NCLN: variants seen among roughly 807,000 people sequenced by gnomAD.
The protein encoded by NCLN is nicalin.
NCLN carries 34 observed loss-of-function variants against 69.5 expected under a neutral mutation model. The observed-to-expected ratio is 0.49, with a 90% confidence interval of 0.37 to 0.65. The LOEUF (loss-of-function observed/expected upper bound fraction) is 0.65, where lower values mean the gene tolerates loss of function less well. Ranked by LOEUF, NCLN falls within the 30% of genes least tolerant of loss-of-function variation. The probability of loss-of-function intolerance (pLI) is 0.00; values close to 1 mark genes in which losing one functional copy is unlikely to be tolerated. For missense variants in NCLN, 710 were observed against 804.8 expected, an observed-to-expected ratio of 0.88 and a Z score of 1.42; for synonymous variants, 393 against 358.3, an observed-to-expected ratio of 1.10 and a Z score of -1.09.
At chr19:3,192,432 A>C (rs895147547) in intron 1 of NCLN, 38 bp from the exon 2 acceptor site, 8 of 1,518,618 alleles carry the variant, frequency 5.3e-6, no homozygotes, top group Non-Finnish European at 7.0e-6. Flanking sequence ...CGGCCTGGCC[A>C]CCCGCCGAGG....
intron 4 of NCLN, among the ~76,000 whole-genome samples, chr19:3,196,661 A>G (rs1166306699): frequency 6.6e-6 from 1 of 152,152 alleles, no homozygotes; most frequent in African/African-American, 2.4e-5. Flanking sequence ...CCGTCAGCCC[A>G]GACGCTGCGT....
Position 3,205,960 on chromosome 19 carries a change from C to T in NCLN, c.1230C>T (p.Thr410=), listed in dbSNP as rs1322632805. The part of the protein sequence containing the change: ...MDVRSRVDSK[T]LTRNTRIIAE... The stretch of plus-strand genomic sequence containing the variant: ...GAAGGTCCCGGGTGGATTCTAAGAC[C>T]CTGACCCGTAACACGAGGATCATTG... Residue 410 remains threonine (T), a synonymous_variant, in exon 10 of 15, where the codon ACC becomes ACT. Coordinates refer to ENST00000246117, the MANE Select transcript of NCLN (RefSeq NM_020170.4). This position sits in a 1 kb window ranked among gnomAD's most constrained non-coding sequence, Gnocchi z 4.6. 2 of 1,613,734 alleles carry T rather than the reference C, an allele frequency of 1.2e-6. No homozygotes were observed. Among genetic ancestry groups the T allele is most frequent in the African/African-American group, 1.3e-5 (1 of 74,988 alleles).
At chr19:3,200,335 G>A (rs1170404618) in intron 5 of NCLN, among the ~76,000 whole-genome samples, 6 of 132,226 alleles carry the variant, frequency 4.5e-5, no homozygotes, top group Non-Finnish European at 9.4e-5. Context: ...TTTTTGAGAC[G>A]GAGTCTCGCT....
At position 3,196,164 on chromosome 19, in the gene NCLN, G is replaced by GCCCTCT; in HGVS notation, c.521-8_521-3dup. The GCCCTCT allele has an allele frequency of 6.6e-7, 1 of 1,522,464 alleles. No homozygotes were observed. The highest frequency in any genetic ancestry group is 1.2e-5 in the South Asian group (1 of 82,436). The allele number at this position is 1,522,464 out of a possible 1,614,324, so 94.3% of individuals were successfully genotyped here. A position where few individuals can be genotyped will look rare whatever the true frequency, so the allele number is the denominator to read the frequency against. On this transcript the variant is annotated intron_variant, in intron 3 of 14. Coordinates refer to ENST00000246117, the MANE Select transcript of NCLN (RefSeq NM_020170.4). ...GCCCTGGCTGGGCCAAGGCTGATGCGCCCTCTCCCTCTCCCTAGTACTGCT... is the reference window on the plus strand; with the variant it reads ...GCCCTGGCTGGGCCAAGGCTGATGCGCCCTCTCCCTCTCCCTCTCCCTAGTACTGCT...
intron 6 of NCLN, 26 bp downstream of exon 6, chr19:3,201,652 T>TGGGGTTG: frequency 1.9e-5 from 15 of 772,786 alleles, no homozygotes; most frequent in Non-Finnish European, 2.8e-5. Context: ...GGCAGGGGGA[T>TGGGGTTG]GGGGGTGCGG....
intron 1 of NCLN, among the ~76,000 whole-genome samples, chr19:3,187,690 A>G (rs1329890955): frequency 3.3e-5 from 5 of 152,136 alleles, no homozygotes; most frequent in Admixed American, 1.3e-4. Flanking sequence ...ACGCTGCTCA[A>G]TTCCCTGTAG....
chr19:3,186,075 G>A lies in NCLN; in HGVS notation c.45G>A (p.Ala15=). 6.3e-7 allele frequency: 1 copy of A among 1,598,774 alleles called. No homozygotes were observed. The highest frequency in any genetic ancestry group is 8.5e-7 in the Non-Finnish European group (1 of 1,174,608). Residue 15 remains alanine (A), a synonymous_variant, in exon 1 of 15, where the codon GCG becomes GCA. Coordinates refer to ENST00000246117, the MANE Select transcript of NCLN (RefSeq NM_020170.4). The part of the protein sequence containing the change: ...AGEVLENMLK[A]SCLPLGFIVF... ...AGGTGCTGGAGAACATGCTGAAGGC[G>A]TCTTGTCTGCCGCTCGGCTTCATCG...
At chr19:3,198,465 C>T (rs1238573684) in intron 4 of NCLN, among the ~76,000 whole-genome samples, 1 of 150,110 alleles carries the variant, frequency 6.7e-6, no homozygotes, top group Admixed American at 6.6e-5. Context: ...CGAGATCGTA[C>T]CACTGCACTC....
intron 11 of NCLN, 35 bp downstream of exon 11, chr19:3,206,225 C>T (rs1024069105): frequency 3.8e-5 from 30 of 782,632 alleles, no homozygotes; most frequent in South Asian, 6.2e-5. Context: ...GGTGGGTGGG[C>T]GGGGCCAGGC....
Position 3,207,201 on chromosome 19 carries a change from C to T in NCLN, c.1503C>T (p.Asp501=). The T allele has an allele frequency of 6.2e-7, 1 of 1,613,736 alleles. No individual in the cohort carries two copies. Among genetic ancestry groups the T allele is most frequent in the South Asian group, 1.1e-5 (1 of 91,084 alleles). The change falls in exon 13 of 15, where the codon GAC becomes GAT. Residue 501 remains aspartate, a synonymous_variant. Coordinates refer to ENST00000246117, the MANE Select transcript of NCLN (RefSeq NM_020170.4). ...KQHHVKADKR[D]PEFVFYDQLK... ...TGAGAAAGTGCTCTCTCCCCAGGGA[C>T]CCAGAGTTTGTCTTCTACGACCAGC...
At chr19:3,199,028 G>A (rs1382774968) in intron 5 of NCLN, 131 bp downstream of exon 5, 13 of 562,390 alleles carry the variant, frequency 2.3e-5, no homozygotes, top group East Asian at 6.9e-5. Context: ...GCCTTTGCCC[G>A]TCATCCTGGT....
In NCLN at chr19:3,198,844, G is replaced by A; in HGVS notation, c.643G>A (p.Asp215Asn). Residue 215 changes from aspartate (D) to asparagine (N), a missense_variant, in exon 5 of 15, where the codon GAC (aspartate) becomes AAC (asparagine). Transcript: ENST00000246117. ...EGRLTGLGGEDLPTIVIVAHY... is the reference protein window; with the variant it reads ...EGRLTGLGGENLPTIVIVAHY... ...GCGGCTGACGGGGCTGGGCGGAGAG[G>A]ACCTTCCCACCATCGTCATCGTGGC... is the stretch of plus-strand genomic sequence containing the variant. 6.4e-7 allele frequency: 1 copy of A among 1,572,756 alleles called. No homozygotes were observed.
Position 3,204,271 on chromosome 19 carries a change from G to A in NCLN, c.1029+127G>A, listed in dbSNP as rs1471531861. 4.2e-5 allele frequency: 51 copies of A among 1,217,918 alleles called. No homozygotes were observed. The African/African-American group carries it at 4.7e-4, about 11-fold the overall frequency. The allele number at this position is 1,217,918 out of a possible 1,614,324, so 75.4% of individuals were successfully genotyped here. A position where few individuals can be genotyped will look rare whatever the true frequency, so the allele number is the denominator to read the frequency against. Reference sequence around the variant, plus strand: ...CAGGCTCTGAGGGCCACACTGTGTCGGGGTCGGGCTGGGGTGTTCTGTCCT... The same window carrying A: ...CAGGCTCTGAGGGCCACACTGTGTCAGGGTCGGGCTGGGGTGTTCTGTCCT... On this transcript the variant is annotated intron_variant, in intron 8 of 14. Coordinates refer to ENST00000246117, the MANE Select transcript of NCLN (RefSeq NM_020170.4).
rs960485544 is a variant in NCLN at position 3,185,981 on chromosome 19, C to T, written c.-50C>T. On this transcript the variant is annotated 5_prime_UTR_variant, in exon 1 of 15. Transcript: ENST00000246117. ...GGTGAGTCCGCGGGAGCCGCCGCCGCCGCCGTCCCGTCCCAGCTGCCGCCC... is the reference window on the plus strand; with the variant it reads ...GGTGAGTCCGCGGGAGCCGCCGCCGTCGCCGTCCCGTCCCAGCTGCCGCCC... 1.4e-6 allele frequency: 2 copies of T among 1,389,484 alleles called. No individual in the cohort carries two copies. The highest frequency in any genetic ancestry group is 3.6e-5 in the Admixed American group (1 of 27,764). 86.1% of individuals were successfully genotyped at this position (1,389,484 alleles called of 1,614,324 possible).
intron 2 of NCLN, 146 bp downstream of exon 2, chr19:3,192,806 A>G: frequency 3.7e-6 from 3 of 806,512 alleles, no homozygotes; most frequent in Non-Finnish European, 5.5e-6. Context: ...TTGATCTCCA[A>G]GGGGTGATTC....
At chr19:3,192,926 C>T (rs1179851877) in intron 2 of NCLN, among the ~76,000 whole-genome samples, 3 of 152,176 alleles carry the variant, frequency 2.0e-5, no homozygotes, top group Non-Finnish European at 2.9e-5. Flanking sequence ...GTGCCCAGGA[C>T]GGCCCCGCCC....
rs1916302115 is a variant in NCLN, at chr19:3,207,476, A to G, written c.1632+7A>G. ...GGCCTACGTGGCTGTCCAGGTGAGC[A>G]GTGCCCAGGCTCAGGTGGGGCAGGG... is the stretch of plus-strand genomic sequence containing the variant. On this transcript the variant is annotated splice_region_variant and intron_variant, in intron 14 of 14. Coordinates refer to ENST00000246117, the MANE Select transcript of NCLN (RefSeq NM_020170.4). 2.5e-6 allele frequency: 4 copies of G among 1,612,574 alleles called. No homozygotes were observed. Among genetic ancestry groups the G allele is most frequent in the Admixed American group, 3.3e-5 (2 of 60,006 alleles).
chr19:3,200,044 A>T (rs1019940932), intron 5 of NCLN, among the ~76,000 whole-genome samples: 1 of 151,748 alleles, frequency 6.6e-6, no homozygotes, highest in African/African-American at 2.4e-5. Flanking sequence ...CAGAGTGCGG[A>T]GGGTCTGGGC....
intron 3 of NCLN, among the ~76,000 whole-genome samples, chr19:3,194,600 T>C (rs1352764577): frequency 2.6e-5 from 4 of 152,210 alleles, no homozygotes; most frequent in African/African-American, 4.8e-5. Context: ...GAAAGTGTTA[T>C]CTGATCCTTT....
Sources: allele counts gnomAD v4.1 joint callset (sites outside exome capture counted in the v4.1 genomes callset), GRCh38; gene constraint gnomAD v4.1.1; non-coding constraint Gnocchi (gnomAD v3.1); transcripts MANE v1.5; gene names NCBI Gene and HGNC (gene_info 2026-07-23, HGNC 2026-07-21).